PLCE1: variants seen among roughly 807,000 people sequenced by gnomAD.
The protein encoded by PLCE1 is 1-phosphatidylinositol 4,5-bisphosphate phosphodiesterase epsilon-1.
Under a neutral mutation model 242.8 loss-of-function variants are expected in PLCE1, and 119 were observed. The observed-to-expected ratio is 0.49, with a 90% CI of 0.42 to 0.57. PLCE1 has a LOEUF of 0.57. Ranked by LOEUF, PLCE1 falls within the 20% of genes least tolerant of loss-of-function variation. The probability of loss-of-function intolerance (pLI) is 0.00; values close to 1 mark genes in which losing one functional copy is unlikely to be tolerated. For missense variants in PLCE1, 2,441 were observed against 2,788.8 expected (o/e 0.88, Z 2.81); for synonymous variants, 945 against 1,017.4 (o/e 0.93, Z 1.35).
At chr10:94,105,672 A>G (rs1230789963) in intron 2 of PLCE1, 1 of 152,188 alleles carries the variant, frequency 6.6e-6, no homozygotes, top group Admixed American at 6.5e-5. Context: ...GAAAGCACTC[A>G]ATAAATATGT....
chr10:94,241,659 G>A (rs2050507388), intron 7 of PLCE1, among the ~76,000 whole-genome samples: 1 of 151,950 alleles, frequency 6.6e-6, no homozygotes, highest in African/African-American at 2.4e-5. Flanking sequence ...GTGTGGTGGC[G>A]GGCACCTGTA....
Position 94,171,249 on chromosome 10 carries a change from A to G in PLCE1, c.1562A>G (p.Glu521Gly). 2 of 1,613,932 alleles carry G rather than the reference A, an allele frequency of 1.2e-6. No individual in the cohort carries two copies. The highest frequency in any genetic ancestry group is 1.7e-6 in the Non-Finnish European group (2 of 1,179,814). Residue 521 changes from glutamate (E) to glycine (G), a missense_variant, in exon 4 of 33, where the codon GAG (glutamate) becomes GGG (glycine). By Grantham distance (98) the Glu-to-Gly change is moderately conservative (BLOSUM62 -2). This residue lies in a region of PLCE1 where 733 missense variants were observed against 754.2 expected (regional missense o/e 0.97). Coordinates refer to ENST00000371380, the MANE Select transcript of PLCE1 (RefSeq NM_016341.4). ...LPSSSAGISK[E>G]LIDLQPLIQF... is the part of the protein sequence containing the mutation. The stretch of plus-strand genomic sequence containing the variant: ...TCAAGTTCAGCTGGGATCAGCAAGG[A>G]GCTGATCGATCTGCAGCCTCTCATC...
chr10:94,124,148 G>A (rs56209236), intron 2 of PLCE1, among the ~76,000 whole-genome samples: 3 of 152,146 alleles, frequency 2.0e-5, no homozygotes, highest in Non-Finnish European at 4.4e-5. Flanking sequence ...GGGACGCTGA[G>A]GCGGGAGGCT....
At chr10:94,176,074 TA>T (rs1383889837) in intron 4 of PLCE1, among the ~76,000 whole-genome samples, 1 of 152,172 alleles carries the variant, frequency 6.6e-6, no homozygotes, top group Non-Finnish European at 1.5e-5. Context: ...TTGGGGTATA[TA>T]CCTAGAAGTG....
intron 4 of PLCE1, among the ~76,000 whole-genome samples, chr10:94,189,557 T>A (rs944538094): frequency 3.3e-5 from 5 of 152,108 alleles, no homozygotes; most frequent in Non-Finnish European, 7.4e-5. Flanking sequence ...CTGGGCAGGA[T>A]CATGCATGAT....
At chr10:94,223,180 T>G (rs1475619036) in intron 4 of PLCE1, among the ~76,000 whole-genome samples, 2 of 130,560 alleles carry the variant, frequency 1.5e-5, no homozygotes, top group Non-Finnish European at 3.1e-5. Flanking sequence ...GAGGATCACT[T>G]GAGGCCAGAA....
chr10:94,013,196 T>C (rs1356495913), intron 1 of PLCE1, among the ~76,000 whole-genome samples: 1 of 152,214 alleles, frequency 6.6e-6, no homozygotes, highest in Non-Finnish European at 1.5e-5. Context: ...AAGAAAACTC[T>C]CTGAGAGGCC....
In PLCE1 at chr10:94,031,773, A is replaced by T; in HGVS notation, c.727A>T (p.Asn243Tyr). The change falls in exon 2 of 33, where the codon AAT becomes TAT. Residue 243 changes from asparagine to tyrosine, a missense_variant. Coordinates refer to ENST00000371380, the MANE Select transcript of PLCE1 (RefSeq NM_016341.4). ...YTCKLMELAK[N>Y]CDNKNEQLQC... ...CTGTAAACTGATGGAATTGGCCAAA[A>T]ATTGTGATAATAAGAATGAGCAGCT... 1 of 1,613,778 alleles carries T rather than the reference A, an allele frequency of 6.2e-7. No homozygotes were observed.
chr10:94,233,953 A>C (rs1000772117), intron 5 of PLCE1, 101 bp from the exon 6 acceptor site: 10 of 1,183,676 alleles, frequency 8.4e-6, no homozygotes, highest in Non-Finnish European at 1.1e-5. Flanking sequence ...ACCTAAAAAA[A>C]AAAAATGGTA....
At chr10:94,115,766 C>T (rs1031719599) in intron 2 of PLCE1, among the ~76,000 whole-genome samples, 9 of 152,154 alleles carry the variant, frequency 5.9e-5, no homozygotes, top group Admixed American at 2.6e-4. Flanking sequence ...CAATTCTAGG[C>T]GCCAGTAGCC....
At chr10:94,081,155 CAT>C (rs2044643650) in intron 2 of PLCE1, among the ~76,000 whole-genome samples, 2 of 152,148 alleles carry the variant, frequency 1.3e-5, no homozygotes, top group African/African-American at 4.8e-5. Context: ...CTATGAATTA[CAT>C]GTTTATATCT....
chr10:94,324,813 C>T (rs1374206022), intron 31 of PLCE1, 79 bp from the exon 32 acceptor site: 25 of 1,378,230 alleles, frequency 1.8e-5, no homozygotes, highest in South Asian at 1.5e-4. Context: ...AAGAGGAAAG[C>T]GCTCTTCTGA....
At chr10:94,144,790 C>A (rs2047066371) in intron 3 of PLCE1, among the ~76,000 whole-genome samples, 1 of 152,100 alleles carries the variant, frequency 6.6e-6, no homozygotes, top group African/African-American at 2.4e-5. Flanking sequence ...GTTTCTTATG[C>A]CAATAAAGTC....
chr10:94,019,695 T>G (rs2061343644), intron 1 of PLCE1, among the ~76,000 whole-genome samples: 1 of 152,228 alleles, frequency 6.6e-6, no homozygotes, highest in African/African-American at 2.4e-5. Context: ...TTAATTTTAC[T>G]TAATTTAAAT....
chr10:94,151,735 G>A (rs1050724687), intron 3 of PLCE1, among the ~76,000 whole-genome samples: 3 of 152,172 alleles, frequency 2.0e-5, no homozygotes, highest in African/African-American at 7.2e-5. Context: ...TGAGCACCAT[G>A]GCTGGAGAGT....
intron 2 of PLCE1, among the ~76,000 whole-genome samples, chr10:94,069,633 CAAACAAAT>C (rs1172519333): frequency 2.4e-4 from 36 of 152,006 alleles, no homozygotes; most frequent in African/African-American, 8.4e-4. Context: ...AACAAACAAA[CAAACAAAT>C]AAACAGACTA....
At chr10:94,085,236 T>TG (rs1311792740) in intron 2 of PLCE1, among the ~76,000 whole-genome samples, 2 of 152,146 alleles carry the variant, frequency 1.3e-5, no homozygotes, top group Admixed American at 6.5e-5. Flanking sequence ...TCTTTGGCTT[T>TG]GGGGGTCCTA....
chr10:94,015,461 G>A (rs866075024), intron 1 of PLCE1, among the ~76,000 whole-genome samples: 13 of 152,300 alleles, frequency 8.5e-5, no homozygotes, highest in Middle Eastern at 6.8e-3. Flanking sequence ...AGTATGCATT[G>A]CATCTATTGT....
At chr10:94,205,789 C>T (rs1281469262) in intron 4 of PLCE1, among the ~76,000 whole-genome samples, 1 of 152,196 alleles carries the variant, frequency 6.6e-6, no homozygotes, top group East Asian at 1.9e-4. Flanking sequence ...CTGTTTTGAT[C>T]CAGGATAATT....
Sources: gnomAD v4.1 joint callset for allele counts (sites outside exome capture counted in the v4.1 genomes callset) on GRCh38, gnomAD v4.1.1 for gene constraint, gnomAD v4.1.1 regional missense constraint, MANE v1.5 for transcripts, NCBI Gene and HGNC (gene_info 2026-07-23, HGNC 2026-07-21) for gene names.